ARPP21: variants seen among roughly 807,000 people sequenced by gnomAD.
The protein encoded by ARPP21 is cAMP-regulated phosphoprotein 21.
In ARPP21, 69 loss-of-function variants were observed where a neutral mutation model predicts 113.2. The observed-to-expected ratio is 0.61, with a 90% CI of 0.50 to 0.74. ARPP21 has a LOEUF of 0.74. Among genes scored for constraint, ARPP21 ranks in the 30% least tolerant of loss-of-function variants. The pLI is 0.00. For missense variants in ARPP21, 1,070 were observed against 1,037.4 expected (o/e 1.03, Z -0.43); for synonymous variants, 368 against 375.5 (o/e 0.98, Z 0.23).
chr3:35,691,648 T>A (rs1267087470), intron 9 of ARPP21, among the ~76,000 whole-genome samples: 1 of 151,584 alleles, frequency 6.6e-6, no homozygotes, highest in Non-Finnish European at 1.5e-5. Flanking sequence ...TGTTTTTCTC[T>A]TAATACCGGT....
intron 15 of ARPP21, among the ~76,000 whole-genome samples, chr3:35,735,441 C>T (rs779597198): frequency 3.9e-4 from 59 of 152,154 alleles, no homozygotes; most frequent in Admixed American, 3.9e-3. Flanking sequence ...AAATTTTTCT[C>T]ATATGACTGA....
At chr3:35,786,873 C>T (rs1417308895) in intron 19 of ARPP21, among the ~76,000 whole-genome samples, 1 of 152,122 alleles carries the variant, frequency 6.6e-6, no homozygotes, top group Non-Finnish European at 1.5e-5. Context: ...AAATTCACCT[C>T]TCTGAGGCAT....
At chr3:35,644,552 C>T (rs1282120166) in intron 1 of ARPP21, among the ~76,000 whole-genome samples, 1 of 151,818 alleles carries the variant, frequency 6.6e-6, no homozygotes, top group Non-Finnish European at 1.5e-5. Context: ...ATGACATGCT[C>T]ATATAACATT....
intron 1 of ARPP21, among the ~76,000 whole-genome samples, chr3:35,665,972 G>C (rs775575066): frequency 7.2e-5 from 11 of 152,070 alleles, no homozygotes; most frequent in Non-Finnish European, 1.2e-4. Flanking sequence ...ATTGCTCACT[G>C]TATGATGGCT....
At chr3:35,768,935 A>G (rs2096087952) in intron 19 of ARPP21, among the ~76,000 whole-genome samples, 1 of 152,218 alleles carries the variant, frequency 6.6e-6, no homozygotes, top group Non-Finnish European at 1.5e-5. Context: ...AGAAAAGGCT[A>G]GTATATAAGA....
intron 15 of ARPP21, among the ~76,000 whole-genome samples, chr3:35,731,189 A>G (rs2093932538): frequency 6.6e-6 from 1 of 152,156 alleles, no homozygotes; most frequent in East Asian, 1.9e-4. Flanking sequence ...TCAACAGAGT[A>G]TTTTTAGGGT....
At chr3:35,657,530 C>T (rs11706708) in intron 1 of ARPP21, among the ~76,000 whole-genome samples, 25,559 of 152,090 alleles carry the variant, frequency 0.17, 2,383 homozygotes, top group Non-Finnish European at 0.21. Context: ...TTTCTGAGTA[C>T]TTTATGTATA....
chr3:35,656,056 C>G (rs2149065828), intron 1 of ARPP21, among the ~76,000 whole-genome samples: 1 of 152,156 alleles, frequency 6.6e-6, no homozygotes, highest in South Asian at 2.1e-4. Flanking sequence ...TCAAAACAAA[C>G]TAATCTTAGA....
rs767524945 is a variant in ARPP21 at position 35,737,242 on chromosome 3, C to T, written c.1524C>T (p.Pro508=). ...AIYNPPTSQQ[P]LRSAMVGQSQ... is the part of the protein sequence containing the mutation. ...ACAACCCACCCACCAGTCAGCAGCC[C>T]CTGCGAAGCGCCATGGTGGGGCAGT... Residue 508 remains proline (P), a synonymous_variant, in exon 16 of 21, where the codon CCC becomes CCT. Transcript: ENST00000684406. 6 of 1,613,132 alleles carry T rather than the reference C, an allele frequency of 3.7e-6. No homozygotes were observed. Among genetic ancestry groups the T allele is most frequent in the Non-Finnish European group, 5.1e-6 (6 of 1,179,540 alleles).
chr3:35,647,131 T>G (rs1452037371), intron 1 of ARPP21, among the ~76,000 whole-genome samples: 1 of 152,186 alleles, frequency 6.6e-6, no homozygotes, highest in Non-Finnish European at 1.5e-5. Flanking sequence ...TAATCTTTAA[T>G]TATCATTATA....
rs191520444 is a variant in ARPP21, at chr3:35,647,331, G to A, written c.-213+6933G>A. ...ATTTTATTTCAGAAATAATTGTAAT[G>A]CCTGTGTTATTTGTCTGATATAATG... On this transcript the variant is annotated intron_variant, in intron 1 of 20. Coordinates refer to ENST00000684406, the MANE Select transcript of ARPP21 (RefSeq NM_001385562.1). Among the ~76,000 whole-genome samples, 4 of 152,194 alleles carry A rather than the reference G, an allele frequency of 2.6e-5. No individual in the cohort carries two copies. In the East Asian group the frequency reaches 7.8e-4, roughly 30 times the overall value.
chr3:35,737,560 T>G (rs898805389), intron 16 of ARPP21, among the ~76,000 whole-genome samples, 198 bp downstream of exon 16: 11 of 152,250 alleles, frequency 7.2e-5, no homozygotes, highest in Middle Eastern at 3.2e-3. Context: ...GAGTGCCCCA[T>G]GCAGTAACTT....
intron 19 of ARPP21, among the ~76,000 whole-genome samples, chr3:35,757,259 T>C (rs2095606961): frequency 6.6e-6 from 1 of 151,860 alleles, no homozygotes; most frequent in Non-Finnish European, 1.5e-5. Context: ...GATACGGTCT[T>C]GTTATGTTGC....
At chr3:35,696,233 A>T (rs971556689) in intron 9 of ARPP21, among the ~76,000 whole-genome samples, 1 of 151,602 alleles carries the variant, frequency 6.6e-6, no homozygotes, top group African/African-American at 2.4e-5. Flanking sequence ...TCACCAAGGC[A>T]TGGGGCTGGA....
intron 1 of ARPP21, chr3:35,641,751 C>T (rs571173325): frequency 1.3e-5 from 2 of 152,192 alleles, no homozygotes; most frequent in East Asian, 3.9e-4. Context: ...TAACATTCTG[C>T]TTTTCATCAC....
At chr3:35,648,807 CAG>C (rs1701265691) in intron 1 of ARPP21, among the ~76,000 whole-genome samples, 1 of 152,188 alleles carries the variant, frequency 6.6e-6, no homozygotes, top group East Asian at 1.9e-4. Flanking sequence ...TATTATAAAA[CAG>C]ATGTCAGCAT....
chr3:35,655,557 C>T (rs1443005172), intron 1 of ARPP21, among the ~76,000 whole-genome samples: 1 of 151,920 alleles, frequency 6.6e-6, no homozygotes, highest in Non-Finnish European at 1.5e-5. Flanking sequence ...GGTTTCTGTA[C>T]ACTTTAGATT....
intron 18 of ARPP21, 101 bp downstream of exon 18, chr3:35,739,678 C>T (rs1231335304): frequency 2.1e-6 from 3 of 1,408,196 alleles, no homozygotes; most frequent in Non-Finnish European, 2.9e-6. Context: ...TCCCTCTTCC[C>T]TTTCTAGTCT....
intron 1 of ARPP21, among the ~76,000 whole-genome samples, chr3:35,651,484 G>T (rs954004501): frequency 5.3e-5 from 8 of 151,702 alleles, no homozygotes; most frequent in African/African-American, 1.9e-4. Context: ...ACTATGCTTT[G>T]TTCTTTAGCG....
Sources: allele counts gnomAD v4.1 joint callset (sites outside exome capture counted in the v4.1 genomes callset), GRCh38; gene constraint gnomAD v4.1.1; transcripts MANE v1.5; gene names NCBI Gene and HGNC (gene_info 2026-07-23, HGNC 2026-07-21).